SUMF1: variants seen among roughly 807,000 people sequenced by gnomAD.
The protein encoded by SUMF1 is sulfatase modifying factor 1.
Under a neutral mutation model 47.6 loss-of-function variants are expected in SUMF1, and 48 were observed. That is an observed-to-expected ratio of 1.01 (90% CI 0.80 to 1.28). The LOEUF is 1.28. SUMF1 is among the 50% of genes most tolerant of loss of function. The pLI, the probability that SUMF1 is intolerant of heterozygous loss-of-function variation, is 0.00. For missense variants in SUMF1, 571 were observed against 485.4 expected (o/e 1.18, Z -1.66); for synonymous variants, 230 against 192.1 (o/e 1.20, Z -1.63).
intron 1 of SUMF1, among the ~76,000 whole-genome samples, chr3:4,456,888 A>G (rs1280119760): frequency 4.3e-5 from 6 of 140,076 alleles, no homozygotes; most frequent in East Asian, 2.1e-4. Flanking sequence ...ATGTGTGTGT[A>G]TATATATGTG....
At chr3:4,151,554 T>TACACACACAC (rs781615061) in intron 8 of SUMF1, among the ~76,000 whole-genome samples, 2 of 98,256 alleles carry the variant, frequency 2.0e-5, no homozygotes, top group African/African-American at 8.7e-5. Context: ...TGTGTGTGTA[T>TACACACACAC]ATACACACAC....
At chr3:4,080,125 A>G (rs929556891) in intron 8 of SUMF1, among the ~76,000 whole-genome samples, 1 of 152,162 alleles carries the variant, frequency 6.6e-6, no homozygotes, top group Admixed American at 6.5e-5. Context: ...GACGTTACAA[A>G]CAGCAATTCT....
chr3:4,184,469 A>G (rs1054535741), intron 8 of SUMF1, among the ~76,000 whole-genome samples: 4 of 152,012 alleles, frequency 2.6e-5, no homozygotes, highest in African/African-American at 9.7e-5. Context: ...AAGAAAAAAA[A>G]GAAAAAAAGA....
intron 7 of SUMF1, among the ~76,000 whole-genome samples, chr3:4,385,396 T>C (rs946408842): frequency 1.3e-5 from 2 of 152,206 alleles, no homozygotes; most frequent in African/African-American, 4.8e-5. Flanking sequence ...GAGCATCTTT[T>C]CATGTGCTTC....
At chr3:4,366,491 C>T (rs1699962410) in intron 8 of SUMF1, among the ~76,000 whole-genome samples, 1 of 151,344 alleles carries the variant, frequency 6.6e-6, no homozygotes, top group Admixed American at 6.6e-5. Context: ...GATACCCTTT[C>T]TTCCAGTTGA....
chr3:4,360,393 T>C (rs990213873), downstream of SUMF1, among the ~76,000 whole-genome samples: 1 of 151,854 alleles, frequency 6.6e-6, no homozygotes, highest in Admixed American at 6.6e-5. Flanking sequence ...AATGGCGCGA[T>C]CTCGGCTCAC....
chr3:4,097,414 G>T (rs7630945), intron 8 of SUMF1, among the ~76,000 whole-genome samples: 1 of 151,926 alleles, frequency 6.6e-6, no homozygotes, highest in African/African-American at 2.4e-5. Context: ...TTAGCCAGGC[G>T]TGGGGGCAGG....
chr3:4,107,376 A>T (rs1042677892), intron 8 of SUMF1, among the ~76,000 whole-genome samples: 1 of 152,088 alleles, frequency 6.6e-6, no homozygotes, highest in Non-Finnish European at 1.5e-5. Flanking sequence ...ACTATTCACA[A>T]CACCCTAGAG....
At chr3:4,464,307 C>G (rs1338695959) in intron 1 of SUMF1, among the ~76,000 whole-genome samples, 3 of 151,816 alleles carry the variant, frequency 2.0e-5, no homozygotes, top group Non-Finnish European at 4.4e-5. Flanking sequence ...CTCGACTTGT[C>G]CATGAAGAAT....
intron 7 of SUMF1, among the ~76,000 whole-genome samples, chr3:4,400,136 T>C (rs937079796): frequency 2.6e-5 from 4 of 152,118 alleles, no homozygotes; most frequent in Non-Finnish European, 5.9e-5. Flanking sequence ...GGCCGAATTC[T>C]ACCTGAATTC....
intron 9 of SUMF1, among the ~76,000 whole-genome samples, chr3:4,049,036 T>C (rs1695057644): frequency 6.6e-6 from 1 of 152,162 alleles, no homozygotes; most frequent in African/African-American, 2.4e-5. Flanking sequence ...CAGATATAGA[T>C]TTGAAAGCCA....
At chr3:4,454,682 A>G (rs1341634658) in intron 1 of SUMF1, among the ~76,000 whole-genome samples, 2 of 152,240 alleles carry the variant, frequency 1.3e-5, no homozygotes, top group South Asian at 2.1e-4. Context: ...ATCCAAATGT[A>G]TATCAGCTGA....
intron 8 of SUMF1, among the ~76,000 whole-genome samples, chr3:4,096,461 A>G (rs1346251976): frequency 6.6e-6 from 1 of 152,148 alleles, no homozygotes; most frequent in Non-Finnish European, 1.5e-5. Flanking sequence ...GTGAGTGAAA[A>G]GTAGAAATGG....
chr3:4,365,022 G>A lies in SUMF1; in HGVS notation c.1015-2768C>T, dbSNP rs527572230. ...TTGTTCAGTTTCCATGTAGTTGAGCGGTTTTGAGTGAGTTTCTTAATCCTG... is the reference window on the plus strand; with the variant it reads ...TTGTTCAGTTTCCATGTAGTTGAGCAGTTTTGAGTGAGTTTCTTAATCCTG... On this transcript the variant is annotated intron_variant, in intron 8 of 8. Coordinates refer to ENST00000272902, the MANE Select transcript of SUMF1 (RefSeq NM_182760.4). Among the ~76,000 whole-genome samples, 212 of 151,616 alleles carry A rather than the reference G, an allele frequency of 1.4e-3. 1 individual carries two copies. Among genetic ancestry groups the A allele is most frequent in the African/African-American group, 4.9e-3 (201 of 41,282 alleles).
intron 8 of SUMF1, among the ~76,000 whole-genome samples, chr3:4,069,537 A>C (rs1695467378): frequency 6.6e-6 from 1 of 152,164 alleles, no homozygotes; most frequent in East Asian, 1.9e-4. Context: ...ATTTCTTGCT[A>C]CCTATTTGCA....
chr3:4,196,363 T>A (rs1159856333), intron 8 of SUMF1, among the ~76,000 whole-genome samples: 1 of 152,108 alleles, frequency 6.6e-6, no homozygotes, highest in Non-Finnish European at 1.5e-5. Context: ...ACAGACAGTT[T>A]CCAGGCTTTG....
chr3:4,392,613 GTGTATA>G (rs1361940171), intron 7 of SUMF1, among the ~76,000 whole-genome samples: 1,926 of 77,786 alleles, frequency 0.025, 35 homozygotes, highest in African/African-American at 0.058. Context: ...GTGTGTGTGT[GTGTATA>G]TATATATATA....
intron 7 of SUMF1, among the ~76,000 whole-genome samples, chr3:4,385,671 G>C (rs1253234875): frequency 6.6e-6 from 1 of 152,108 alleles, no homozygotes; most frequent in East Asian, 1.9e-4. Context: ...GGGTGATCAT[G>C]CTTTTTGGTG....
chr3:4,064,430 G>A (rs1402107281), intron 9 of SUMF1, among the ~76,000 whole-genome samples: 1 of 152,108 alleles, frequency 6.6e-6, no homozygotes, highest in Non-Finnish European at 1.5e-5. Flanking sequence ...GGGTTTGCTT[G>A]CCCCTTTCCT....
Sources: gnomAD v4.1 joint callset for allele counts (sites outside exome capture counted in the v4.1 genomes callset) on GRCh38, gnomAD v4.1.1 for gene constraint, MANE v1.5 for transcripts, NCBI Gene and HGNC (gene_info 2026-07-23, HGNC 2026-07-21) for gene names.